The following TTC7B variants were observed in gnomAD, a reference collection of about 807,000 sequenced individuals.
TTC7B encodes the protein tetratricopeptide repeat domain 7B, also known as tetratricopeptide repeat protein 7B.
In TTC7B, 28 loss-of-function variants were observed where a neutral mutation model predicts 106.8. That is an observed-to-expected ratio of 0.26 (90% CI 0.19 to 0.36). TTC7B has a LOEUF of 0.36. TTC7B is among the 10% of genes least tolerant of loss of function. The probability of loss-of-function intolerance (pLI) is 1.00; values close to 1 mark genes in which losing one functional copy is unlikely to be tolerated. For synonymous variants in TTC7B, 405 were observed against 430.6 expected (o/e 0.94, Z 0.74); for missense variants, 862 against 1,076.4 (o/e 0.80, Z 2.79).
At chr14:90,718,612 G>T (rs1025471080) in intron 5 of TTC7B, among the ~76,000 whole-genome samples, 1 of 152,014 alleles carries the variant, frequency 6.6e-6, no homozygotes, top group Non-Finnish European at 1.5e-5. Flanking sequence ...CCATGAAGCC[G>T]GTCTGGGCTG....
intron 18 of TTC7B, among the ~76,000 whole-genome samples, chr14:90,590,723 CT>C (rs1188842987): frequency 6.6e-6 from 1 of 152,170 alleles, no homozygotes; most frequent in Admixed American, 6.5e-5. Flanking sequence ...CTAAATTTTC[CT>C]CTTGAAGGAC....
intron 1 of TTC7B, among the ~76,000 whole-genome samples, chr14:90,786,964 C>G (rs890375938): frequency 4.6e-5 from 7 of 152,284 alleles, no homozygotes; most frequent in African/African-American, 1.4e-4. Context: ...TCATTATGAT[C>G]TTTATAAAAC....
chr14:90,525,707 TTGAC>T lies in TTC7B; in HGVS notation c.*15657_*15660del, dbSNP rs1172378511. 1.3e-5 allele frequency: 2 copies of T among 149,200 alleles called. No individual in the cohort carries two copies. The highest frequency in any genetic ancestry group is 5.0e-5 in the African/African-American group (2 of 40,396). The allele number at this position is 149,200 out of a possible 1,614,324, so 9.2% of individuals were successfully genotyped here. On this transcript the variant is annotated 3_prime_UTR_variant, in exon 20 of 20. Transcript: ENST00000328459. ...ATCCGTCCTACCTCGCCCAACCCAGTTGACTAATATTTGGGTCGGTGGAGCCCGA... is the reference window on the plus strand; with the variant it reads ...ATCCGTCCTACCTCGCCCAACCCAGTTAATATTTGGGTCGGTGGAGCCCGA...
chr14:90,531,292 T>A lies in TTC7B; in HGVS notation c.*10076A>T, dbSNP rs1297306455. 1.3e-5 allele frequency: 2 copies of A among 151,962 alleles called. No homozygotes were observed. The highest frequency in any genetic ancestry group is 4.8e-5 in the African/African-American group (2 of 41,290). 9.4% of individuals were successfully genotyped at this position (151,962 alleles called of 1,614,324 possible). On this transcript the variant is annotated 3_prime_UTR_variant, in exon 20 of 20. Coordinates refer to ENST00000328459, the MANE Select transcript of TTC7B (RefSeq NM_001010854.2). ...ACAAACAAACAAACAAAAAAACAGC[T>A]GGGCACAGTGGCTCACGCCTGTAAT...
chr14:90,796,330 T>C (rs1174304696), intron 1 of TTC7B, among the ~76,000 whole-genome samples: 3 of 152,182 alleles, frequency 2.0e-5, no homozygotes, highest in African/African-American at 7.2e-5. Flanking sequence ...CAATGGCTTA[T>C]ATAGGGATAA....
intron 1 of TTC7B, among the ~76,000 whole-genome samples, chr14:90,803,474 C>A (rs1367781525): frequency 1.3e-5 from 2 of 152,190 alleles, no homozygotes; most frequent in Non-Finnish European, 2.9e-5. Flanking sequence ...GGCCAGAATT[C>A]GGACCTTCCC....
chr14:90,806,206 G>A (rs1341575271), intron 1 of TTC7B, among the ~76,000 whole-genome samples: 1 of 152,168 alleles, frequency 6.6e-6, no homozygotes, highest in South Asian at 2.1e-4. Context: ...CTGCATCCCC[G>A]CTACACATAC....
intron 17 of TTC7B, among the ~76,000 whole-genome samples, chr14:90,607,479 A>T (rs535689787): frequency 6.6e-6 from 1 of 152,322 alleles, no homozygotes; most frequent in African/African-American, 2.4e-5. Flanking sequence ...CCCAGGCCAC[A>T]TTTGATCTCA....
intron 17 of TTC7B, among the ~76,000 whole-genome samples, chr14:90,594,416 C>T (rs890800640): frequency 6.6e-6 from 1 of 152,102 alleles, no homozygotes; most frequent in Non-Finnish European, 1.5e-5. Flanking sequence ...TTTCTTTTCA[C>T]GTTGACCTCT....
chr14:90,792,616 G>T (rs1891626152), intron 1 of TTC7B, among the ~76,000 whole-genome samples: 1 of 152,072 alleles, frequency 6.6e-6, no homozygotes, highest in Admixed American at 6.6e-5. Flanking sequence ...GGAGAGCACG[G>T]TGCAGGAAAA....
At chr14:90,779,551 C>G (rs929196068) in intron 3 of TTC7B, among the ~76,000 whole-genome samples, 1 of 152,182 alleles carries the variant, frequency 6.6e-6, no homozygotes, top group African/African-American at 2.4e-5. Flanking sequence ...GTGATCTGCC[C>G]GCCTTGGCCT....
rs540982470 is a variant in TTC7B at position 90,556,064 on chromosome 14, C to T, written c.2311-14475G>A. On this transcript the variant is annotated intron_variant, in intron 19 of 19. Coordinates refer to ENST00000328459, the MANE Select transcript of TTC7B (RefSeq NM_001010854.2). ...CAGCGCAAGCACCTCCGGCGCGCCG[C>T]GTGGTGCACTGACCTAATTGAAAGT... 9.2e-5 allele frequency among the ~76,000 whole-genome samples: 14 copies of T among 152,368 alleles called. 1 individual carries two copies. Among genetic ancestry groups the T allele is most frequent in the African/African-American group, 2.9e-4 (12 of 41,588 alleles).
At chr14:90,555,442 G>A (rs899849444) in intron 19 of TTC7B, among the ~76,000 whole-genome samples, 3 of 152,176 alleles carry the variant, frequency 2.0e-5, no homozygotes, top group Non-Finnish European at 4.4e-5. Context: ...TCTCCCTCTG[G>A]GTGACCTGAA....
intron 4 of TTC7B, among the ~76,000 whole-genome samples, chr14:90,734,558 T>C (rs1252901043): frequency 1.3e-5 from 2 of 152,128 alleles, no homozygotes; most frequent in African/African-American, 4.8e-5. Flanking sequence ...TTCAGTATTA[T>C]GGACAATAAA....
Position 90,766,776 on chromosome 14 carries a change from G to C in TTC7B, c.445+13962C>G, listed in dbSNP as rs1890695190. ...CATGCCAGTACAAGATCCCAGACTG[G>C]TTCTTGAACACACAGAAGGATGTAA... On this transcript the variant is annotated intron_variant, in intron 3 of 19. Transcript: ENST00000328459. 8 of 1,576,428 alleles carry C rather than the reference G, an allele frequency of 5.1e-6. No homozygotes were observed. In the South Asian group the frequency reaches 7.8e-5, roughly 15 times the overall value.
intron 5 of TTC7B, among the ~76,000 whole-genome samples, chr14:90,707,135 C>T (rs1003131907): frequency 6.6e-5 from 10 of 152,144 alleles, no homozygotes; most frequent in Admixed American, 1.3e-4. Context: ...TGCTTTATTC[C>T]GTGTTATATG....
At chr14:90,546,688 A>G (rs1889848137) in intron 19 of TTC7B, among the ~76,000 whole-genome samples, 1 of 152,200 alleles carries the variant, frequency 6.6e-6, no homozygotes, top group South Asian at 2.1e-4. Context: ...GGCAGATTCC[A>G]ATGATGACAT....
chr14:90,657,898 GACTCCCT>G lies in TTC7B; in HGVS notation c.1236+399_1236+405del. On this transcript the variant is annotated intron_variant, in intron 10 of 19. Coordinates refer to ENST00000328459, the MANE Select transcript of TTC7B (RefSeq NM_001010854.2). The surrounding 1 kb of genome is among the most constrained non-coding windows in gnomAD (Gnocchi z 4.2). Reference sequence around the variant, plus strand: ...GCATCAAGCTTCTATCCTGCCGTTGGACTCCCTCAGCCCACATTTTCATCCAGTATCA... The same window carrying G: ...GCATCAAGCTTCTATCCTGCCGTTGGCAGCCCACATTTTCATCCAGTATCA... 5.3e-6 allele frequency: 1 copy of G among 190,140 alleles called. No homozygotes were observed. The highest frequency in any genetic ancestry group is 9.4e-5 in the South Asian group (1 of 10,654). The allele number at this position is 190,140 out of a possible 1,614,324, so 11.8% of individuals were successfully genotyped here.
intron 5 of TTC7B, among the ~76,000 whole-genome samples, chr14:90,724,025 G>T (rs576792103): frequency 6.6e-6 from 1 of 152,272 alleles, no homozygotes; most frequent in South Asian, 2.1e-4. Context: ...ATATCCTGTA[G>T]AATACACACA....
Sources: gnomAD v4.1 joint callset for allele counts (sites outside exome capture counted in the v4.1 genomes callset) on GRCh38, gnomAD v4.1.1 for gene constraint, Gnocchi (gnomAD v3.1) non-coding constraint, MANE v1.5 for transcripts, NCBI Gene and HGNC (gene_info 2026-07-23, HGNC 2026-07-21) for gene names.